CYP4F3: variants seen among roughly 807,000 people sequenced by gnomAD.
CYP4F3 encodes cytochrome P450 family 4 subfamily F member 3, also known as cytochrome P450 4F3.
In CYP4F3, 50 loss-of-function variants were observed where a neutral mutation model predicts 54.8. That is an observed-to-expected ratio of 0.91 (90% CI 0.73 to 1.16). The LOEUF (loss-of-function observed/expected upper bound fraction) is 1.16. CYP4F3 is among the 50% of genes most tolerant of loss of function. The probability of loss-of-function intolerance (pLI) is 0.00; values close to 1 mark genes in which losing one functional copy is unlikely to be tolerated. For synonymous variants in CYP4F3, 244 were observed against 262.6 expected (o/e 0.93, Z 0.69); for missense variants, 715 against 676.2 (o/e 1.06, Z -0.64).
chr19:15,645,608 A>G, intron 2 of CYP4F3, 111 bp from the exon 3 acceptor site: 1 of 1,411,324 alleles, frequency 7.1e-7, no homozygotes, highest in Non-Finnish European at 9.6e-7. Context: ...TGAGAGGGAG[A>G]TGAGATGCTG....
chr19:15,654,022 T>C (rs1421312381), intron 9 of CYP4F3, among the ~76,000 whole-genome samples: 1 of 151,994 alleles, frequency 6.6e-6, no homozygotes, highest in Non-Finnish European at 1.5e-5. Context: ...GAGGGTGTAC[T>C]GGAGAGGACC....
intron 9 of CYP4F3, among the ~76,000 whole-genome samples, chr19:15,656,151 T>G (rs1273323220): frequency 6.6e-6 from 1 of 151,746 alleles, no homozygotes; most frequent in Non-Finnish European, 1.5e-5. Flanking sequence ...GGTCCCAAGA[T>G]AAGTAAGATC....
rs1451993428 is a variant in CYP4F3, at chr19:15,650,858, CTTTCTTTCTTTT to C, written c.918+677_918+688del. ...TCTTTCTTTCTTTCTTTCTTTCTTTCTTTCTTTCTTTTTCTCTCTCTCTCTTTCCTTTTTTTG... is the reference window on the plus strand; with the variant it reads ...TCTTTCTTTCTTTCTTTCTTTCTTTCTCTCTCTCTCTCTTTCCTTTTTTTG... On this transcript the variant is annotated intron_variant, in intron 7 of 12. Transcript: ENST00000221307. 9.4e-4 allele frequency among the ~76,000 whole-genome samples: 44 copies of C among 46,988 alleles called. 16 individuals are homozygous for C. Among genetic ancestry groups the C allele is most frequent in the African/African-American group, 3.2e-3 (42 of 13,300 alleles). The allele number at this position is 46,988 out of a possible 152,430, so 30.8% of individuals were successfully genotyped here.
intron 3 of CYP4F3, 128 bp from the exon 4 acceptor site, chr19:15,646,924 T>C: frequency 1.5e-6 from 2 of 1,369,322 alleles, no homozygotes; most frequent in South Asian, 1.3e-5. Flanking sequence ...CCTCTCCCCT[T>C]GACCCTCTTC....
intron 8 of CYP4F3, 44 bp from the exon 9 acceptor site, chr19:15,652,779 G>A (rs780352932): frequency 1.1e-5 from 17 of 1,601,210 alleles, no homozygotes; most frequent in African/African-American, 2.7e-5. Context: ...ACCCTCGGGT[G>A]CTGAAGCAGC....
At chr19:15,651,210 TTCTATA>T (rs1437097717) in intron 7 of CYP4F3, among the ~76,000 whole-genome samples, 1 of 133,214 alleles carries the variant, frequency 7.5e-6, no homozygotes, top group Non-Finnish European at 1.7e-5. Flanking sequence ...TTATGTCTTT[TTCTATA>T]TCTATATTTT....
In CYP4F3 at chr19:15,650,695, TC is replaced by T. The variant is rs1298639485; in HGVS notation, c.918+513del. On this transcript the variant is annotated intron_variant, in intron 7 of 12. Coordinates refer to ENST00000221307, the MANE Select transcript of CYP4F3 (RefSeq NM_000896.3). ...TTCTTTCTTTCTTTCTTTCTTTCTT[TC>T]TTTCTTTCTTTCTTTCTTTCTTTCT... Among the ~76,000 whole-genome samples the T allele has an allele frequency of 2.3e-3, 122 of 53,100 alleles. 1 individual carries two copies. Among genetic ancestry groups the T allele is most frequent in the African/African-American group, 7.2e-3 (90 of 12,498 alleles). The allele number at this position is 53,100 out of a possible 152,430, so 34.8% of individuals were successfully genotyped here.
intron 9 of CYP4F3, among the ~76,000 whole-genome samples, chr19:15,655,707 T>G (rs1161551809): frequency 6.6e-6 from 1 of 152,222 alleles, no homozygotes; most frequent in African/African-American, 2.4e-5. Context: ...TAGACACGGG[T>G]CTGCATATTA....
intron 7 of CYP4F3, among the ~76,000 whole-genome samples, chr19:15,650,734 T>C (rs866177580): frequency 6.8e-5 from 8 of 117,680 alleles, no homozygotes; most frequent in Admixed American, 9.1e-5. Flanking sequence ...CTTTCTTTCT[T>C]TCTTTTCCTT....
Position 15,651,431 on chromosome 19 carries a change from G to A in CYP4F3, c.919-1138G>A, listed in dbSNP as rs192612216. Reference sequence around the variant, plus strand: ...CACCCAGGCTGGAGTGCAGTGGTGCGATCTCGGCTTACTGCAACCTCCGCC... The same window carrying A: ...CACCCAGGCTGGAGTGCAGTGGTGCAATCTCGGCTTACTGCAACCTCCGCC... On this transcript the variant is annotated intron_variant, in intron 7 of 12. Transcript: ENST00000221307. Among the ~76,000 whole-genome samples, 221 of 135,478 alleles carry A rather than the reference G, an allele frequency of 1.6e-3. 29 individuals are homozygous for A. The highest frequency in any genetic ancestry group is 0.014 in the Admixed American group (185 of 13,656). The allele number at this position is 135,478 out of a possible 152,430, so 88.9% of individuals were successfully genotyped here.
At chr19:15,650,732 C>T (rs1257216657) in intron 7 of CYP4F3, among the ~76,000 whole-genome samples, 4 of 100,312 alleles carry the variant, frequency 4.0e-5, no homozygotes, top group Admixed American at 1.1e-4. Context: ...TTCTTTCTTT[C>T]TTTCTTTTCC....
chr19:15,653,733 GAGGAGAGAGA>G (rs1185076518), intron 9 of CYP4F3, among the ~76,000 whole-genome samples: 3 of 125,190 alleles, frequency 2.4e-5, no homozygotes, highest in Middle Eastern at 3.4e-3. Flanking sequence ...GGAAGAGAGA[GAGGAGAGAGA>G]GAGAGAGAGA....
At position 15,653,183 on chromosome 19, in the gene CYP4F3, A is replaced by T. The variant is rs28371537; in HGVS notation, c.1115+231A>T. 2.0e-3 allele frequency among the ~76,000 whole-genome samples: 308 copies of T among 152,234 alleles called. 1 individual carries two copies. The highest frequency in any genetic ancestry group is 3.1e-3 in the Non-Finnish European group (213 of 68,016). On this transcript the variant is annotated intron_variant, in intron 9 of 12. Transcript: ENST00000221307. ...CTGAGAGAATTGTTGATGATATGTG[A>T]GGACAGATAACGCCACTTAGCATGT...
At chr19:15,644,664 T>C (rs1330023142) in intron 2 of CYP4F3, among the ~76,000 whole-genome samples, 1 of 152,208 alleles carries the variant, frequency 6.6e-6, no homozygotes, top group Admixed American at 6.5e-5. Flanking sequence ...GGTCAAGTCC[T>C]TTTACCCCAT....
At chr19:15,652,445 TG>T (rs1173618402) in intron 7 of CYP4F3, 123 bp from the exon 8 acceptor site, 112 of 1,436,654 alleles carry the variant, frequency 7.8e-5, no homozygotes, top group Non-Finnish European at 9.8e-5. Context: ...GAGAGCAAGA[TG>T]GGCTTGGGTT....
intron 12 of CYP4F3, 101 bp downstream of exon 12, chr19:15,658,910 A>C: frequency 6.8e-7 from 1 of 1,466,330 alleles, no homozygotes; most frequent in South Asian, 1.3e-5. Flanking sequence ...TCCGAGTTCC[A>C]GCTCTCCTTC....
At chr19:15,650,866 C>G (rs62104379) in intron 7 of CYP4F3, among the ~76,000 whole-genome samples, 6,870 of 46,806 alleles carry the variant, frequency 0.15, 1,567 homozygotes, top group Middle Eastern at 0.22. Flanking sequence ...TTCTTTCTTT[C>G]TTTTTCTCTC....
chr19:15,646,095 C>T (rs1226588430), intron 3 of CYP4F3, among the ~76,000 whole-genome samples: 1 of 152,196 alleles, frequency 6.6e-6, no homozygotes, highest in African/African-American at 2.4e-5. Context: ...GTCAAGTCTG[C>T]TGTACGGCTA....
chr19:15,649,076 G>C, intron 5 of CYP4F3, 84 bp from the exon 6 acceptor site: 2 of 1,582,684 alleles, frequency 1.3e-6, no homozygotes, highest in Non-Finnish European at 1.7e-6. Context: ...GCTTATTCTG[G>C]GGCGTGCATA....
Sources: gnomAD v4.1 joint callset for allele counts (sites outside exome capture counted in the v4.1 genomes callset) on GRCh38, gnomAD v4.1.1 for gene constraint, MANE v1.5 for transcripts, NCBI Gene and HGNC (gene_info 2026-07-23, HGNC 2026-07-21) for gene names.